The following TTC7B variants were observed in gnomAD, a reference collection of about 807,000 sequenced individuals.
TTC7B encodes tetratricopeptide repeat domain 7B.
TTC7B carries 28 observed loss-of-function variants against 106.8 expected under a neutral mutation model. That is an observed-to-expected ratio of 0.26 (90% confidence interval 0.19 to 0.36). The LOEUF is 0.36. TTC7B is among the 10% of genes least tolerant of loss of function. TTC7B has a pLI of 1.00. For missense variants in TTC7B, 862 were observed against 1,076.4 expected (o/e 0.80, Z 2.79); for synonymous variants, 405 against 430.6 (o/e 0.94, Z 0.74).
intron 4 of TTC7B, among the ~76,000 whole-genome samples, chr14:90,741,425 C>A (rs1049167171): frequency 6.6e-6 from 1 of 152,172 alleles, no homozygotes; most frequent in Non-Finnish European, 1.5e-5. Flanking sequence ...CAGGCCCCAG[C>A]GAGCAGAAGT....
chr14:90,609,544 C>A (rs547998034), intron 17 of TTC7B, among the ~76,000 whole-genome samples: 1 of 152,314 alleles, frequency 6.6e-6, no homozygotes, highest in African/African-American at 2.4e-5. Context: ...GTGCAAGACT[C>A]AGAGCTGCTC....
intron 1 of TTC7B, among the ~76,000 whole-genome samples, chr14:90,814,109 C>T (rs1288445878): frequency 6.6e-6 from 1 of 152,226 alleles, no homozygotes; most frequent in Non-Finnish European, 1.5e-5. Flanking sequence ...CCATGAGTTT[C>T]CCCAAACTGA....
intron 19 of TTC7B, among the ~76,000 whole-genome samples, chr14:90,574,531 C>T (rs917897395): frequency 6.6e-6 from 1 of 152,320 alleles, no homozygotes; most frequent in East Asian, 1.9e-4. Flanking sequence ...GAAGATCGTC[C>T]GTTTCCTCTG....
At chr14:90,559,788 C>T (rs1566769594) in intron 19 of TTC7B, among the ~76,000 whole-genome samples, 1 of 152,378 alleles carries the variant, frequency 6.6e-6, no homozygotes, top group South Asian at 2.1e-4. Flanking sequence ...TATGACAGTG[C>T]TGCTAGGTTG....
At chr14:90,552,381 A>G (rs1416808966) in intron 19 of TTC7B, among the ~76,000 whole-genome samples, 1 of 152,050 alleles carries the variant, frequency 6.6e-6, no homozygotes, top group Non-Finnish European at 1.5e-5. Flanking sequence ...CTCAGCACTG[A>G]CCCAGTTTCC....
chr14:90,677,009 G>A (rs560406091), intron 8 of TTC7B, among the ~76,000 whole-genome samples: 10 of 152,240 alleles, frequency 6.6e-5, no homozygotes, highest in East Asian at 1.9e-4. Flanking sequence ...TAGAGCAGCC[G>A]AATCATCCAT....
chr14:90,557,631 T>A (rs984590246), intron 19 of TTC7B, among the ~76,000 whole-genome samples: 4 of 151,936 alleles, frequency 2.6e-5, no homozygotes, highest in Non-Finnish European at 5.9e-5. Flanking sequence ...CTGGCTGGAG[T>A]CTCCACCTCC....
chr14:90,802,659 A>C lies in TTC7B; in HGVS notation c.121+13516T>G, dbSNP rs1161253133. ...ACTTTGGAGCATGGGAATCCGACCT[A>C]CTGAAGAGCGGCGGTGCTCCTCCCG... On this transcript the variant is annotated intron_variant, in intron 1 of 19. Transcript: ENST00000328459. This position sits in a 1 kb window ranked among gnomAD's most constrained non-coding sequence, Gnocchi z 4.7. Among the ~76,000 whole-genome samples the C allele has an allele frequency of 6.6e-6, 1 of 152,178 alleles. No individual in the cohort carries two copies. The highest frequency in any genetic ancestry group is 1.5e-5 in the Non-Finnish European group (1 of 68,028).
chr14:90,730,029 CT>C (rs755883053), intron 5 of TTC7B, 45 bp downstream of exon 5: 7 of 1,569,948 alleles, frequency 4.5e-6, no homozygotes, highest in Non-Finnish European at 6.0e-6. Context: ...AGGCTTTCTA[CT>C]TTCCTTCTTT....
chr14:90,566,861 G>T (rs2139790635), intron 19 of TTC7B, among the ~76,000 whole-genome samples: 1 of 152,296 alleles, frequency 6.6e-6, no homozygotes, highest in Admixed American at 6.5e-5. Flanking sequence ...GACCTTGGTT[G>T]GTTTGTTCCA....
At chr14:90,590,101 A>G (rs1891893663) in intron 18 of TTC7B, among the ~76,000 whole-genome samples, 1 of 152,170 alleles carries the variant, frequency 6.6e-6, no homozygotes, top group Admixed American at 6.5e-5. Flanking sequence ...ACTGAGGCTC[A>G]GGGATAAGAG....
At position 90,807,113 on chromosome 14, in the gene TTC7B, C is replaced by T. The variant is rs2030659190; in HGVS notation, c.121+9062G>A. 6.6e-6 allele frequency among the ~76,000 whole-genome samples: 1 copy of T among 152,144 alleles called. No individual in the cohort carries two copies. The highest frequency in any genetic ancestry group is 1.5e-5 in the Non-Finnish European group (1 of 68,028). ...TTCCACTTGCCCAGGACTGAGGGAG[C>T]TTCTGGGACTCAGGACTTTGGATGC... On this transcript the variant is annotated intron_variant, in intron 1 of 19. Coordinates refer to ENST00000328459, the MANE Select transcript of TTC7B (RefSeq NM_001010854.2). This position sits in a 1 kb window ranked among gnomAD's most constrained non-coding sequence, Gnocchi z 4.1.
intron 15 of TTC7B, among the ~76,000 whole-genome samples, chr14:90,620,851 C>T (rs949819025): frequency 6.6e-6 from 1 of 152,252 alleles, no homozygotes; most frequent in Non-Finnish European, 1.5e-5. Context: ...AAAATAACAG[C>T]TTTCAAACAC....
chr14:90,641,545 T>C (rs1263980260), intron 15 of TTC7B, among the ~76,000 whole-genome samples: 1 of 152,242 alleles, frequency 6.6e-6, no homozygotes, highest in Non-Finnish European at 1.5e-5. Flanking sequence ...GATCCACTGA[T>C]TACATCTGGC....
At chr14:90,753,892 T>C (rs533860938) in intron 3 of TTC7B, among the ~76,000 whole-genome samples, 3 of 152,242 alleles carry the variant, frequency 2.0e-5, no homozygotes, top group Non-Finnish European at 4.4e-5. Context: ...TCAATGTCCC[T>C]TCCAGCTCCA....
At chr14:90,559,971 G>A (rs755549823) in intron 19 of TTC7B, among the ~76,000 whole-genome samples, 2 of 152,168 alleles carry the variant, frequency 1.3e-5, no homozygotes, top group African/African-American at 4.8e-5. Flanking sequence ...TCCAGGGCTC[G>A]TTCCTTCCCC....
intron 2 of TTC7B, among the ~76,000 whole-genome samples, chr14:90,783,888 G>A (rs1336737346): frequency 2.0e-5 from 3 of 152,142 alleles, no homozygotes; most frequent in African/African-American, 7.2e-5. Flanking sequence ...AGTGAGCCAA[G>A]ATGGTGTCTG....
chr14:90,682,989 A>T (rs907378589), intron 7 of TTC7B, among the ~76,000 whole-genome samples: 3 of 152,254 alleles, frequency 2.0e-5, no homozygotes, highest in Non-Finnish European at 4.4e-5. Flanking sequence ...AGTAGTAATC[A>T]TCATCTTGCC....
At chr14:90,652,673 A>G (rs1421951314) in intron 13 of TTC7B, among the ~76,000 whole-genome samples, 168 bp downstream of exon 13, 1 of 152,210 alleles carries the variant, frequency 6.6e-6, no homozygotes, top group Non-Finnish European at 1.5e-5. Context: ...TGACACAGCA[A>G]CAAGTGATAC....
Sources: allele counts gnomAD v4.1 joint callset (sites outside exome capture counted in the v4.1 genomes callset), GRCh38; gene constraint gnomAD v4.1.1; non-coding constraint Gnocchi (gnomAD v3.1); transcripts MANE v1.5; gene names NCBI Gene and HGNC (gene_info 2026-07-23, HGNC 2026-07-21).